Variants in CLEC16A observed in about 807,000 individuals in gnomAD.
The protein encoded by CLEC16A is C-type lectin domain containing 16A.
Under a neutral mutation model 109.5 loss-of-function variants are expected in CLEC16A, and 51 were observed. That is an observed-to-expected ratio of 0.47 (90% CI 0.37 to 0.59). The LOEUF (loss-of-function observed/expected upper bound fraction) is 0.59, where lower values mean the gene tolerates loss of function less well. CLEC16A is among the 20% of genes least tolerant of loss of function. CLEC16A has a pLI of 0.00. For synonymous variants in CLEC16A, 673 were observed against 564.2 expected (o/e 1.19, Z -2.73); for missense variants, 1,339 against 1,394.0 (o/e 0.96, Z 0.63).
At chr16:11,099,696 G>A (rs35347079) in intron 19 of CLEC16A, among the ~76,000 whole-genome samples, 18,861 of 152,154 alleles carry the variant, frequency 0.12, 1,175 homozygotes, top group South Asian at 0.14. Flanking sequence ...AGGCGTCCTC[G>A]TCTGGAACTG....
At chr16:10,988,037 A>G (rs1271605290) in intron 10 of CLEC16A, among the ~76,000 whole-genome samples, 1 of 152,254 alleles carries the variant, frequency 6.6e-6, no homozygotes, top group East Asian at 1.9e-4. Context: ...CGTTAAAATC[A>G]TATGGTTCCT....
chr16:11,078,579 T>G (rs1360472255), intron 19 of CLEC16A, among the ~76,000 whole-genome samples: 6 of 152,188 alleles, frequency 3.9e-5, no homozygotes, highest in Non-Finnish European at 8.8e-5. Flanking sequence ...CCAGTCACCC[T>G]CACAGATCCC....
chr16:11,125,972 A>G lies in CLEC16A; in HGVS notation c.2474-7A>G, dbSNP rs752647476. 2.8e-6 allele frequency: 4 copies of G among 1,439,594 alleles called. No homozygotes were observed. Among genetic ancestry groups the G allele is most frequent in the African/African-American group, 1.6e-5 (1 of 62,792 alleles). 89.2% of individuals were successfully genotyped at this position (1,439,594 alleles called of 1,614,324 possible). A position where few individuals can be genotyped will look rare whatever the true frequency, so the allele number is the denominator to read the frequency against. On this transcript the variant is annotated splice_polypyrimidine_tract_variant and splice_region_variant and intron_variant, in intron 21 of 23. Transcript: ENST00000409790. Reference sequence around the variant, plus strand: ...TCAGAGTGAACCATGCTATTGTTTGACCGTAGCCCTCCTGGACCTCCCAAT... The same window carrying G: ...TCAGAGTGAACCATGCTATTGTTTGGCCGTAGCCCTCCTGGACCTCCCAAT...
chr16:11,065,466 A>T (rs570535791), intron 19 of CLEC16A, among the ~76,000 whole-genome samples: 1 of 152,190 alleles, frequency 6.6e-6, no homozygotes, highest in African/African-American at 2.4e-5. Context: ...GCATTCAGCT[A>T]TTTATTGAGC....
chr16:11,172,027 C>T (rs2068535584), intron 23 of CLEC16A, among the ~76,000 whole-genome samples: 1 of 152,110 alleles, frequency 6.6e-6, no homozygotes, highest in Non-Finnish European at 1.5e-5. Context: ...TACAAATGTG[C>T]ATGCATAGTC....
chr16:11,104,699 C>G (rs887413844), intron 19 of CLEC16A, among the ~76,000 whole-genome samples: 5 of 152,184 alleles, frequency 3.3e-5, no homozygotes, highest in African/African-American at 1.2e-4. Context: ...CTTACTTGTT[C>G]CCAACAGCAT....
chr16:11,051,770 G>A (rs530514692), intron 18 of CLEC16A, 129 bp downstream of exon 18: 2 of 1,214,310 alleles, frequency 1.6e-6, no homozygotes, highest in Non-Finnish European at 2.3e-6. Context: ...AGTGGATAGA[G>A]AGTACCCATT....
intron 10 of CLEC16A, among the ~76,000 whole-genome samples, chr16:10,995,704 A>G (rs956950370): frequency 6.6e-6 from 1 of 152,178 alleles, no homozygotes; most frequent in African/African-American, 2.4e-5. Context: ...TCTGTTTTAC[A>G]GATGAGGAAC....
chr16:11,020,062 C>G, intron 11 of CLEC16A, 131 bp from the exon 12 acceptor site: 3 of 1,027,740 alleles, frequency 2.9e-6, no homozygotes, highest in Non-Finnish European at 4.0e-6. Flanking sequence ...GTGTTCAGGT[C>G]GCTGCTGTCG....
At chr16:10,983,818 C>G (rs911157614) in intron 10 of CLEC16A, among the ~76,000 whole-genome samples, 1 of 152,088 alleles carries the variant, frequency 6.6e-6, no homozygotes, top group African/African-American at 2.4e-5. Context: ...TACCTACAGC[C>G]TGGTTCCTGA....
chr16:11,072,207 G>A (rs1215780175), intron 19 of CLEC16A, among the ~76,000 whole-genome samples: 2 of 151,942 alleles, frequency 1.3e-5, no homozygotes, highest in African/African-American at 2.4e-5. Flanking sequence ...CTGCAGCCTC[G>A]AACTCCTGGC....
intron 3 of CLEC16A, among the ~76,000 whole-genome samples, chr16:10,964,186 G>A (rs2042390280): frequency 6.6e-6 from 1 of 152,208 alleles, no homozygotes; most frequent in Admixed American, 6.5e-5. Flanking sequence ...GATGGCTCTC[G>A]CAGCCGCCGC....
chr16:11,128,469 C>G (rs541477345), intron 22 of CLEC16A, among the ~76,000 whole-genome samples: 8 of 152,346 alleles, frequency 5.3e-5, no homozygotes, highest in African/African-American at 1.9e-4. Context: ...GGGACAACAG[C>G]AAGTCAGAGG....
intron 9 of CLEC16A, among the ~76,000 whole-genome samples, chr16:10,981,159 T>C (rs1347742620): frequency 6.6e-6 from 1 of 152,216 alleles, no homozygotes; most frequent in Non-Finnish European, 1.5e-5. Context: ...GGGGGGCCTT[T>C]GTAGGTGCTC....
chr16:11,101,201 A>T (rs1567318548), intron 19 of CLEC16A, among the ~76,000 whole-genome samples: 1 of 152,248 alleles, frequency 6.6e-6, no homozygotes, highest in Non-Finnish European at 1.5e-5. Context: ...CTGAATAATG[A>T]TAGGCAAAAA....
chr16:11,131,997 G>C (rs185134271), intron 22 of CLEC16A, among the ~76,000 whole-genome samples: 1 of 152,150 alleles, frequency 6.6e-6, no homozygotes, highest in Non-Finnish European at 1.5e-5. Context: ...GCTCTGCTCC[G>C]ATACCTCAAA....
intron 13 of CLEC16A, chr16:11,026,995 G>C: frequency 6.4e-7 from 1 of 1,557,476 alleles, no homozygotes; most frequent in South Asian, 1.1e-5. Context: ...GTGGGGTTGC[G>C]CATGATCAGT....
At chr16:11,110,658 C>A (rs1208404191) in intron 19 of CLEC16A, among the ~76,000 whole-genome samples, 1 of 152,128 alleles carries the variant, frequency 6.6e-6, no homozygotes, top group Non-Finnish European at 1.5e-5. Flanking sequence ...AACACTAGGA[C>A]CACTTCTGAC....
chr16:10,967,900 A>G (rs1459612977), intron 3 of CLEC16A, among the ~76,000 whole-genome samples: 1 of 151,988 alleles, frequency 6.6e-6, no homozygotes, highest in Non-Finnish European at 1.5e-5. Context: ...CACTTCTCAC[A>G]TGCAGAGTGC....
Sources: allele counts gnomAD v4.1 joint callset (sites outside exome capture counted in the v4.1 genomes callset), GRCh38; gene constraint gnomAD v4.1.1; transcripts MANE v1.5; gene names NCBI Gene and HGNC (gene_info 2026-07-23, HGNC 2026-07-21).